SNX29: variants seen among roughly 807,000 people sequenced by gnomAD.
SNX29 encodes sorting nexin 29.
In SNX29, 78 loss-of-function variants were observed where a neutral mutation model predicts 102.1. That is an observed-to-expected ratio of 0.76 (90% confidence interval 0.64 to 0.92). SNX29 has a LOEUF of 0.92. Among genes scored for constraint, SNX29 ranks in the 40% least tolerant of loss-of-function variants. SNX29 has a pLI of 0.00. For missense variants in SNX29, 1,280 were observed against 1,061.7 expected (o/e 1.21, Z -2.86); for synonymous variants, 580 against 414.5 (o/e 1.40, Z -4.85).
intron 19 of SNX29, among the ~76,000 whole-genome samples, chr16:12,488,305 A>C (rs2088354489): frequency 6.6e-6 from 1 of 151,956 alleles, no homozygotes; most frequent in Non-Finnish European, 1.5e-5. Context: ...TGCTGGTCCC[A>C]CCCTCCATTG....
At chr16:12,522,048 G>C (rs1228010875) in intron 19 of SNX29, among the ~76,000 whole-genome samples, 1 of 152,048 alleles carries the variant, frequency 6.6e-6, no homozygotes, top group African/African-American at 2.4e-5. Flanking sequence ...TGTGACTTTG[G>C]AGTGGCCCCG....
At chr16:11,996,822 T>A (rs1223890137) in intron 1 of SNX29, among the ~76,000 whole-genome samples, 1 of 152,144 alleles carries the variant, frequency 6.6e-6, no homozygotes, top group East Asian at 1.9e-4. Context: ...GCCAGATGGG[T>A]CTATAGCCAT....
intron 13 of SNX29, among the ~76,000 whole-genome samples, chr16:12,168,843 T>C (rs2076077956): frequency 6.6e-6 from 1 of 152,232 alleles, no homozygotes; most frequent in African/African-American, 2.4e-5. Context: ...AGAAGAGTGA[T>C]GTGAGGGAGT....
chr16:12,533,840 C>A (rs1008562537), intron 20 of SNX29, among the ~76,000 whole-genome samples: 1 of 152,178 alleles, frequency 6.6e-6, no homozygotes, highest in Non-Finnish European at 1.5e-5. Context: ...AGGCTGATTC[C>A]TGTTATATAG....
chr16:12,002,402 C>G (rs151166511), intron 2 of SNX29, among the ~76,000 whole-genome samples: 4 of 147,190 alleles, frequency 2.7e-5, no homozygotes, highest in African/African-American at 7.6e-5. Context: ...GAGCTGAGAT[C>G]GATATTACAC....
intron 1 of SNX29, among the ~76,000 whole-genome samples, chr16:11,996,303 G>A (rs989473790): frequency 3.9e-5 from 6 of 152,164 alleles, no homozygotes; most frequent in African/African-American, 1.2e-4. Context: ...AGAGTCGATT[G>A]AACCCAGGAG....
At chr16:12,548,442 C>T (rs1056654445) in intron 20 of SNX29, among the ~76,000 whole-genome samples, 1 of 152,200 alleles carries the variant, frequency 6.6e-6, no homozygotes, top group Non-Finnish European at 1.5e-5. Context: ...ATCCCTGTAC[C>T]ATGGCATCTG....
intron 20 of SNX29, among the ~76,000 whole-genome samples, chr16:12,552,601 G>A (rs748780949): frequency 3.3e-5 from 5 of 152,150 alleles, no homozygotes; most frequent in African/African-American, 7.2e-5. Flanking sequence ...TATTCTCATG[G>A]GGATGACTAA....
chr16:12,372,252 C>T (rs916723790), intron 16 of SNX29, among the ~76,000 whole-genome samples: 1 of 152,166 alleles, frequency 6.6e-6, no homozygotes, highest in African/African-American at 2.4e-5. Flanking sequence ...ATGTCGACTT[C>T]CTCCTCTTTC....
At chr16:12,291,182 T>C (rs1401050078) in intron 15 of SNX29, among the ~76,000 whole-genome samples, 1 of 152,182 alleles carries the variant, frequency 6.6e-6, no homozygotes, top group Non-Finnish European at 1.5e-5. Context: ...GTAGCTGTTA[T>C]TAGTCCATTG....
chr16:12,563,043 G>C (rs771589796), intron 20 of SNX29, among the ~76,000 whole-genome samples: 2 of 152,158 alleles, frequency 1.3e-5, no homozygotes, highest in Non-Finnish European at 2.9e-5. Context: ...CAAGGGCCAA[G>C]GTCACCTCGA....
chr16:12,403,378 CTT>C lies in SNX29; in HGVS notation c.1956-65_1956-64del, dbSNP rs112550429. 9.9e-3 allele frequency: 14,583 copies of C among 1,478,368 alleles called. 252 individuals carry two copies. Among genetic ancestry groups the C allele is most frequent in the East Asian group, 0.044 (1,790 of 40,336 alleles). 91.6% of individuals were successfully genotyped at this position (1,478,368 alleles called of 1,614,324 possible). A position where few individuals can be genotyped will look rare whatever the true frequency, so the allele number is the denominator to read the frequency against. On this transcript the variant is annotated intron_variant, in intron 17 of 20. Coordinates refer to ENST00000566228, the MANE Select transcript of SNX29 (RefSeq NM_032167.5). ...GGAGTAGAAAATTGTCTCCTTTCCT[CTT>C]TTTTATTTTTTATTTTTTTGTAAGT...
Position 11,998,277 on chromosome 16 carries a change from G to C in SNX29, c.8-1020G>C, listed in dbSNP as rs1294192533. On this transcript the variant is annotated intron_variant, in intron 1 of 20. Coordinates refer to ENST00000566228, the MANE Select transcript of SNX29 (RefSeq NM_032167.5). Reference sequence around the variant, plus strand: ...CTCTGTGTCTGGTGCATCATACTCCGGGCTTTGTATCTTGCTTGGAGTCAT... The same window carrying C: ...CTCTGTGTCTGGTGCATCATACTCCCGGCTTTGTATCTTGCTTGGAGTCAT... Among the ~76,000 whole-genome samples the C allele has an allele frequency of 4.6e-5, 7 of 152,244 alleles. No individual in the cohort carries two copies. In the South Asian group the frequency reaches 1.0e-3, roughly 23 times the overall value.
intron 20 of SNX29, among the ~76,000 whole-genome samples, chr16:12,562,544 C>A (rs140547105): frequency 6.6e-6 from 1 of 152,182 alleles, no homozygotes; most frequent in Non-Finnish European, 1.5e-5. Flanking sequence ...AGCCAGGAGT[C>A]ATCTAAGACA....
At chr16:12,526,492 T>G (rs2076786838) in intron 20 of SNX29, 1 of 495,594 alleles carries the variant, frequency 2.0e-6, no homozygotes, top group African/African-American at 1.9e-5. Flanking sequence ...TTGTCCTGAA[T>G]AGAAAACAGT....
chr16:12,385,139 C>A (rs1187706230), intron 16 of SNX29, among the ~76,000 whole-genome samples: 1 of 152,182 alleles, frequency 6.6e-6, no homozygotes, highest in African/African-American at 2.4e-5. Flanking sequence ...CCACTGCACT[C>A]CAGCCTGGCA....
chr16:12,450,385 G>T (rs1652706778), intron 18 of SNX29, among the ~76,000 whole-genome samples: 1 of 152,198 alleles, frequency 6.6e-6, no homozygotes, highest in Admixed American at 6.5e-5. Flanking sequence ...ATGGGCAGGA[G>T]TCAACTGTGG....
chr16:12,506,385 G>T (rs2089380472), intron 19 of SNX29, among the ~76,000 whole-genome samples: 1 of 152,154 alleles, frequency 6.6e-6, no homozygotes, highest in Non-Finnish European at 1.5e-5. Context: ...CCAACTACTT[G>T]GTCTGGAAAT....
intron 20 of SNX29, among the ~76,000 whole-genome samples, chr16:12,538,720 G>GA (rs552386009): frequency 1.4e-3 from 216 of 152,258 alleles, no homozygotes; most frequent in African/African-American, 4.9e-3. Context: ...GTACATCAGG[G>GA]AGCACAGACA....
Sources: allele counts gnomAD v4.1 joint callset (sites outside exome capture counted in the v4.1 genomes callset), GRCh38; gene constraint gnomAD v4.1.1; transcripts MANE v1.5; gene names NCBI Gene and HGNC (gene_info 2026-07-23, HGNC 2026-07-21).